Variants in CACNB1 observed in about 807,000 individuals in gnomAD.
CACNB1 encodes voltage-dependent L-type calcium channel subunit beta-1.
In CACNB1, 29 loss-of-function variants were observed where a neutral mutation model predicts 71.6. The observed-to-expected ratio is 0.40, with a 90% CI of 0.30 to 0.55. CACNB1 has a LOEUF of 0.55. Among genes scored for constraint, CACNB1 ranks in the 20% least tolerant of loss-of-function variants. CACNB1 has a pLI of 0.38. For missense variants in CACNB1, 623 were observed against 801.8 expected, an observed-to-expected ratio of 0.78 and a Z score of 2.69; for synonymous variants, 300 against 319.6, an observed-to-expected ratio of 0.94 and a Z score of 0.65.
Position 39,194,837 on chromosome 17 carries a change from TCCA to T in CACNB1, c.171+44_171+46del. 1 of 1,333,242 alleles carries T rather than the reference TCCA, an allele frequency of 7.5e-7. No homozygotes were observed. Among genetic ancestry groups the T allele is most frequent in the Non-Finnish European group, 1.1e-6 (1 of 935,996 alleles). The allele number at this position is 1,333,242 out of a possible 1,614,324, so 82.6% of individuals were successfully genotyped here. A position where few individuals can be genotyped will look rare whatever the true frequency, so the allele number is the denominator to read the frequency against. ...CAGACCTGGCTCACCAATGCTGGTCTCCACCAACCAGCCACCTCCCTCCTCTCC... is the reference window on the plus strand; with the variant it reads ...CAGACCTGGCTCACCAATGCTGGTCTCCAACCAGCCACCTCCCTCCTCTCC... On this transcript the variant is annotated intron_variant, in intron 2 of 13. Coordinates refer to ENST00000394303, the MANE Select transcript of CACNB1 (RefSeq NM_000723.5). This position sits in a 1 kb window ranked among gnomAD's most constrained non-coding sequence, Gnocchi z 4.6.
At chr17:39,179,774 T>C (rs2045701727) in intron 11 of CACNB1, among the ~76,000 whole-genome samples, 1 of 151,716 alleles carries the variant, frequency 6.6e-6, no homozygotes, top group African/African-American at 2.4e-5. Flanking sequence ...CTTGGCGTGG[T>C]AGCACATGCC....
intron 3 of CACNB1, 152 bp downstream of exon 3, chr17:39,191,322 C>G: frequency 3.2e-6 from 2 of 627,192 alleles, no homozygotes; most frequent in Non-Finnish European, 5.4e-6. Context: ...TATTATAGCC[C>G]ACATTGTGCA....
rs530887434 is a variant in CACNB1, at chr17:39,177,267, T to G, written c.1332+83A>C. On this transcript the variant is annotated intron_variant, in intron 13 of 13. Transcript: ENST00000394303. ...CCACTACATGGCATGTTCCTGCTCC[T>G]GGGGCACCACACTGCCCCGCTGTGA... The G allele has an allele frequency of 2.5e-6, 4 of 1,604,236 alleles. No individual in the cohort carries two copies. The African/African-American group carries it at 5.3e-5, about 21-fold the overall frequency.
intron 11 of CACNB1, among the ~76,000 whole-genome samples, chr17:39,182,629 G>A (rs57164895): frequency 0.058 from 8,832 of 151,506 alleles, 685 homozygotes; most frequent in African/African-American, 0.18. Context: ...TTGAACCTGG[G>A]AGGTGGAGGT....
Position 39,186,740 on chromosome 17 carries a change from T to C in CACNB1, c.551+53A>G. 6.2e-7 allele frequency: 1 copy of C among 1,606,742 alleles called. No individual in the cohort carries two copies. The highest frequency in any genetic ancestry group is 1.3e-5 in the African/African-American group (1 of 74,942). ...AACCATTGAGGCCTAGTCCAGGCTG[T>C]ATGGCCTCTCCTGGGGTTGGCAGCA... On this transcript the variant is annotated intron_variant, in intron 5 of 13. Transcript: ENST00000394303. This position sits in a 1 kb window ranked among gnomAD's most constrained non-coding sequence, Gnocchi z 4.1.
chr17:39,180,346 G>A (rs1269626318), intron 11 of CACNB1, among the ~76,000 whole-genome samples: 2 of 151,634 alleles, frequency 1.3e-5, no homozygotes, highest in Non-Finnish European at 2.9e-5. Context: ...GTAAGATAAT[G>A]ATGTTGTTCT....
chr17:39,196,698 G>A (rs1034125599), intron 1 of CACNB1, among the ~76,000 whole-genome samples: 1 of 151,600 alleles, frequency 6.6e-6, no homozygotes, highest in Non-Finnish European at 1.5e-5. Flanking sequence ...GGATGGAGAA[G>A]TAGACCCCTC....
Position 39,184,038 on chromosome 17 carries a change from G to T in CACNB1, c.891C>A (p.Ser297=). ...HIIIERSNTR[S]SLAEVQSEIE... is the part of the protein sequence containing the mutation. ...CAGCAGGAGTAGGCTCACCCAGGCT[G>T]GAGCGTGTGTTGGAGCGCTCAATGA... The change falls in exon 10 of 14, where the codon TCC becomes TCA. Residue 297 remains serine (S), a synonymous_variant. Coordinates refer to ENST00000394303, the MANE Select transcript of CACNB1 (RefSeq NM_000723.5). 1 of 1,609,790 alleles carries T rather than the reference G, an allele frequency of 6.2e-7. No individual in the cohort carries two copies. The highest frequency in any genetic ancestry group is 1.1e-5 in the South Asian group (1 of 90,984).
At chr17:39,191,287 T>G (rs977183604) in intron 3 of CACNB1, among the ~76,000 whole-genome samples, 187 bp downstream of exon 3, 9 of 152,094 alleles carry the variant, frequency 5.9e-5, no homozygotes, top group African/African-American at 2.2e-4. Context: ...CTTATTATAC[T>G]TATTATACTG....
At chr17:39,196,740 G>A (rs1185467098) in intron 1 of CACNB1, among the ~76,000 whole-genome samples, 1 of 149,136 alleles carries the variant, frequency 6.7e-6, no homozygotes, top group Non-Finnish European at 1.5e-5. Context: ...CCCCTCCTAT[G>A]AGTTGGCATC....
intron 3 of CACNB1, among the ~76,000 whole-genome samples, chr17:39,188,971 A>G (rs1268254890): frequency 2.0e-5 from 3 of 152,112 alleles, no homozygotes; most frequent in Non-Finnish European, 4.4e-5. Flanking sequence ...TGAATCTGGG[A>G]GGTGGAGGTT....
chr17:39,192,564 G>A (rs3025208), intron 2 of CACNB1: 1,792 of 152,844 alleles, frequency 0.012, 33 homozygotes, highest in Middle Eastern at 0.054. Context: ...TGACCCTGAG[G>A]TTGGGGGACA....
chr17:39,189,757 C>T (rs2046027791), intron 3 of CACNB1, among the ~76,000 whole-genome samples: 1 of 151,586 alleles, frequency 6.6e-6, no homozygotes, highest in South Asian at 2.1e-4. Flanking sequence ...CTCAGCCTCC[C>T]AAAGTGCCGG....
chr17:39,187,626 T>C (rs2045973752), intron 3 of CACNB1, 25 bp from the exon 4 acceptor site: 2 of 1,613,862 alleles, frequency 1.2e-6, no homozygotes, highest in East Asian at 4.5e-5. Flanking sequence ...CAGGGGAGGA[T>C]GGCAACTAGA....
At chr17:39,197,316 G>T in intron 1 of CACNB1, 96 bp downstream of exon 1, 1 of 743,864 alleles carries the variant, frequency 1.3e-6, no homozygotes, top group Non-Finnish European at 2.0e-6. Context: ...TCCGCGCCCG[G>T]CATATAACCC....
rs1216605091 is a variant in CACNB1, at chr17:39,173,636, A to G, written c.*1557T>C. 6.6e-6 allele frequency: 1 copy of G among 152,348 alleles called. No individual in the cohort carries two copies. Among genetic ancestry groups the G allele is most frequent in the African/African-American group, 2.4e-5 (1 of 41,444 alleles). 9.4% of individuals were successfully genotyped at this position (152,348 alleles called of 1,614,324 possible). On this transcript the variant is annotated 3_prime_UTR_variant, in exon 14 of 14. Coordinates refer to ENST00000394303, the MANE Select transcript of CACNB1 (RefSeq NM_000723.5). ...GCTCCTGGCTTGGGCACAATACATC[A>G]GAGGGCCAAAATCAAAGGATCATCT... is the stretch of plus-strand genomic sequence containing the variant.
chr17:39,192,662 G>A (rs2046108425), intron 2 of CACNB1: 1 of 152,560 alleles, frequency 6.6e-6, no homozygotes, highest in East Asian at 1.9e-4. Flanking sequence ...TGGCAAAAGA[G>A]GAGGACTGCA....
In CACNB1 at chr17:39,197,402, C is replaced by T. The variant is rs1206282452; in HGVS notation, c.84+10G>A. Reference sequence around the variant, plus strand: ...ACCCCCTCCCGTTGGGCCGGGCCACCACGCCTCACCTGCGGGCTGGGGTCG... The same window carrying T: ...ACCCCCTCCCGTTGGGCCGGGCCACTACGCCTCACCTGCGGGCTGGGGTCG... On this transcript the variant is annotated intron_variant, in intron 1 of 13. Coordinates refer to ENST00000394303, the MANE Select transcript of CACNB1 (RefSeq NM_000723.5). 2.9e-5 allele frequency: 42 copies of T among 1,447,222 alleles called. No individual in the cohort carries two copies. Among genetic ancestry groups the T allele is most frequent in the Non-Finnish European group, 3.8e-5 (42 of 1,101,610 alleles). The allele number at this position is 1,447,222 out of a possible 1,614,324, so 89.6% of individuals were successfully genotyped here.
At position 39,175,502 on chromosome 17, in the gene CACNB1, G is replaced by C. The variant is rs374611014; in HGVS notation, c.1488C>G (p.Arg496=). ...GGGTGTCGGCATCAAAAGTGTCTTG[G>C]CGGGACAGTGCCCGTAGCGTGCCTG... ...GRAGTLRALS[R]QDTFDADTPG... The change falls in exon 14 of 14, where the codon CGC becomes CGG. Residue 496 remains arginine, a synonymous_variant. Coordinates refer to ENST00000394303, the MANE Select transcript of CACNB1 (RefSeq NM_000723.5). The surrounding 1 kb of genome is among the most constrained non-coding windows in gnomAD (Gnocchi z 4.7). 1.9e-6 allele frequency: 3 copies of C among 1,613,848 alleles called. No homozygotes were observed. Among genetic ancestry groups the C allele is most frequent in the Middle Eastern group, 1.6e-4 (1 of 6,082 alleles).
Sources: allele counts gnomAD v4.1 joint callset (sites outside exome capture counted in the v4.1 genomes callset), GRCh38; gene constraint gnomAD v4.1.1; non-coding constraint Gnocchi (gnomAD v3.1); transcripts MANE v1.5; gene names NCBI Gene and HGNC (gene_info 2026-07-23, HGNC 2026-07-21).